Variants in RPP21 observed in about 807,000 individuals in gnomAD.
RPP21 encodes the protein ribonuclease P subunit p21, also known as ribonuclease P protein subunit p21.
Under a neutral mutation model 19.0 loss-of-function variants are expected in RPP21, and 21 were observed. That is an observed-to-expected ratio of 1.11 (90% CI 0.78 to 1.59). The LOEUF (loss-of-function observed/expected upper bound fraction) is 1.59, where lower values mean the gene tolerates loss of function less well. RPP21 is among the 40% of genes most tolerant of loss of function. The probability of loss-of-function intolerance (pLI) is 0.00; values close to 1 mark genes in which losing one functional copy is unlikely to be tolerated. For missense variants in RPP21, 215 were observed against 200.2 expected, an observed-to-expected ratio of 1.07 and a Z score of -0.45; for synonymous variants, 93 against 78.7, an observed-to-expected ratio of 1.18 and a Z score of -0.96.
At position 30,345,193 on chromosome 6, in the gene RPP21, C is replaced by A. The variant is rs369886060; in HGVS notation, c.22C>A (p.Arg8Ser). 3 of 1,574,508 alleles carry A rather than the reference C, an allele frequency of 1.9e-6. No homozygotes were observed. The highest frequency in any genetic ancestry group is 2.6e-6 in the Non-Finnish European group (3 of 1,160,604). Residue 8 changes from arginine to serine, a missense_variant, in exon 1 of 5, where the codon CGC (arginine) becomes AGC (serine). Physicochemically the swap from Arg to Ser is moderately radical, Grantham distance 110. Coordinates refer to ENST00000442966, the MANE Select transcript of RPP21 (RefSeq NM_024839.4). Reference sequence around the variant, plus strand: ...GGTGATGGCGGGGCCGGTGAAGGACCGCGAGGCCTTCCAGAGGCTCAACTT... The same window carrying A: ...GGTGATGGCGGGGCCGGTGAAGGACAGCGAGGCCTTCCAGAGGCTCAACTT... Reference protein sequence around the residue: MAGPVKDREAFQRLNFLY... With the variant: MAGPVKDSEAFQRLNFLY...
Position 30,345,589 on chromosome 6 carries a change from G to A in RPP21, c.241+16G>A. 1 of 1,538,452 alleles carries A rather than the reference G, an allele frequency of 6.5e-7. No individual in the cohort carries two copies. Among genetic ancestry groups the A allele is most frequent in the Non-Finnish European group, 8.8e-7 (1 of 1,140,530 alleles). Reference sequence around the variant, plus strand: ...CGCCAGAGACGTGAGTGCTCCAACGGAGGTGGAAGACTGCGGAGCATTGGG... The same window carrying A: ...CGCCAGAGACGTGAGTGCTCCAACGAAGGTGGAAGACTGCGGAGCATTGGG... On this transcript the variant is annotated intron_variant, in intron 3 of 4. Coordinates refer to ENST00000442966, the MANE Select transcript of RPP21 (RefSeq NM_024839.4).
Position 30,346,522 on chromosome 6 carries a change from G to C in RPP21, c.332G>C (p.Gly111Ala). Residue 111 changes from glycine to alanine, a missense_variant, in exon 4 of 5, where the codon GGA becomes GCA. Gly to Ala is a moderately conservative substitution (Grantham distance 60). Transcript: ENST00000442966. This position sits in a 1 kb window ranked among gnomAD's most constrained non-coding sequence, Gnocchi z 4.7. ...AATGATCCCGGGCATTTACTCTGGG[G>C]AGACAGGCCTGAGGCCCAGCTCGGG... ...FLNDPGHLLW[G>A]DRPEAQLGSQ... The C allele has an allele frequency of 6.2e-7, 1 of 1,614,158 alleles. No homozygotes were observed. Among genetic ancestry groups the C allele is most frequent in the Non-Finnish European group, 8.5e-7 (1 of 1,180,024 alleles).
intron 3 of RPP21, 58 bp downstream of exon 3, chr6:30,345,631 G>A (rs1788074786): frequency 5.0e-6 from 7 of 1,399,448 alleles, no homozygotes; most frequent in Admixed American, 2.5e-5. Context: ...GAGGGGGGCG[G>A]GGTGGGGGGC....
In RPP21 at chr6:30,345,497, C is replaced by T. The variant is rs773974333; in HGVS notation, c.165C>T (p.Pro55=). 4 of 1,606,858 alleles carry T rather than the reference C, an allele frequency of 2.5e-6. No individual in the cohort carries two copies. Among genetic ancestry groups the T allele is most frequent in the East Asian group, 2.2e-5 (1 of 44,664 alleles). ...TATCCTCCTCCGCCCCCAGGGATCC[C>T]TCGGTGAAGAGGACTCTCTGTCGAG... The part of the protein sequence containing the change: ...IAKRLVLRRD[P]SVKRTLCRGC... Residue 55 remains proline, a synonymous_variant, in exon 3 of 5, where the codon CCC becomes CCT. Coordinates refer to ENST00000442966, the MANE Select transcript of RPP21 (RefSeq NM_024839.4).
chr6:30,345,476 C>A lies in RPP21; in HGVS notation c.159-15C>A. The A allele has an allele frequency of 1.9e-6, 3 of 1,610,346 alleles. No individual in the cohort carries two copies. The stretch of plus-strand genomic sequence containing the variant: ...GGAGCGCGGGCGCCAGACCACTATC[C>A]TCCTCCGCCCCCAGGGATCCCTCGG... On this transcript the variant is annotated splice_polypyrimidine_tract_variant and intron_variant, in intron 2 of 4. Coordinates refer to ENST00000442966, the MANE Select transcript of RPP21 (RefSeq NM_024839.4).
Position 30,346,723 on chromosome 6 carries a change from A to AC in RPP21, c.379dup (p.Leu127ProfsTer17). The AC allele has an allele frequency of 6.2e-7, 1 of 1,613,536 alleles. No individual in the cohort carries two copies. Among genetic ancestry groups the AC allele is most frequent in the Non-Finnish European group, 8.5e-7 (1 of 1,180,018 alleles). On this transcript the variant is annotated frameshift_variant, in exon 5 of 5. Transcript: ENST00000442966. LOFTEE classifies it low-confidence loss of function (END_TRUNC). The surrounding 1 kb of genome is among the most constrained non-coding windows in gnomAD (Gnocchi z 4.7). ...TGCTCATTTACTCAGATTCCAAACC[A>AC]CTACAACCCTTGCCAAACACAGCCC...
At position 30,345,198 on chromosome 6, in the gene RPP21, G is replaced by C; in HGVS notation, c.27G>C (p.Glu9Asp). 1 of 1,581,658 alleles carries C rather than the reference G, an allele frequency of 6.3e-7. No homozygotes were observed. Among genetic ancestry groups the C allele is most frequent in the Non-Finnish European group, 8.6e-7 (1 of 1,164,016 alleles). The change falls in exon 1 of 5, where the codon GAG becomes GAC. Residue 9 changes from glutamate to aspartate, a missense_variant. Transcript: ENST00000442966. Reference sequence around the variant, plus strand: ...TGGCGGGGCCGGTGAAGGACCGCGAGGCCTTCCAGAGGCTCAACTTCCTGT... The same window carrying C: ...TGGCGGGGCCGGTGAAGGACCGCGACGCCTTCCAGAGGCTCAACTTCCTGT... MAGPVKDREAFQRLNFLYQ... is the reference protein window; with the variant it reads MAGPVKDRDAFQRLNFLYQ...
intron 2 of RPP21, 44 bp from the exon 3 acceptor site, chr6:30,345,447 A>AGAGG: frequency 6.2e-7 from 1 of 1,611,246 alleles, no homozygotes; most frequent in South Asian, 1.1e-5. Context: ...GAGGAACGCG[A>AGAGG]GAGGGAGCGC....
rs1229249210 is a variant in RPP21 at position 30,346,070 on chromosome 6, C to T, written c.242-362C>T. Reference sequence around the variant, plus strand: ...CAGTGGTGGCGAAGTTTATGATAAGCAAAGGGAGTGAGAGATGGAAATTCT... The same window carrying T: ...CAGTGGTGGCGAAGTTTATGATAAGTAAAGGGAGTGAGAGATGGAAATTCT... On this transcript the variant is annotated intron_variant, in intron 3 of 4. Coordinates refer to ENST00000442966, the MANE Select transcript of RPP21 (RefSeq NM_024839.4). This position sits in a 1 kb window ranked among gnomAD's most constrained non-coding sequence, Gnocchi z 4.7. 1 of 252,404 alleles carries T rather than the reference C, an allele frequency of 4.0e-6. No homozygotes were observed. The highest frequency in any genetic ancestry group is 2.3e-5 in the African/African-American group (1 of 44,332). 15.6% of individuals were successfully genotyped at this position (252,404 alleles called of 1,614,324 possible).
At chr6:30,345,603 C>T (rs1788064810) in intron 3 of RPP21, 30 bp downstream of exon 3, 1 of 626,014 alleles carries the variant, frequency 1.6e-6, no homozygotes, top group Non-Finnish European at 2.4e-6. Context: ...TGGAAGACTG[C>T]GGAGCATTGG....
chr6:30,345,362 C>A lies in RPP21; in HGVS notation c.122C>A (p.Thr41Asn), dbSNP rs751982038. The change falls in exon 2 of 5, where the codon ACT (threonine) becomes AAT (asparagine). Residue 41 changes from threonine to asparagine, a missense_variant. By Grantham distance (65) the Thr-to-Asn change is moderately conservative (BLOSUM62 0). Coordinates refer to ENST00000442966, the MANE Select transcript of RPP21 (RefSeq NM_024839.4). ...NQALARFYCYTERTIAKRLVL... is the reference protein window; with the variant it reads ...NQALARFYCYNERTIAKRLVL... ...GCGCTGGCGAGGTTTTACTGCTACA[C>A]TGAGAGGACCATTGCGAAGCGGCTC... is the stretch of plus-strand genomic sequence containing the variant. 6.2e-7 allele frequency: 1 copy of A among 1,613,160 alleles called. No individual in the cohort carries two copies. Among genetic ancestry groups the A allele is most frequent in the African/African-American group, 1.3e-5 (1 of 74,904 alleles).
chr6:30,345,778 T>G (rs1582071708), intron 3 of RPP21: 3 of 579,308 alleles, frequency 5.2e-6, no homozygotes, highest in Non-Finnish European at 8.4e-6. Flanking sequence ...TCGGCTGTTT[T>G]TTTTTTTTTT....
In RPP21 at chr6:30,345,555, T is replaced by A. The variant is rs890849504; in HGVS notation, c.223T>A (p.Cys75Ser). Residue 75 changes from cysteine (C) to serine (S), a missense_variant, in exon 3 of 5, where the codon TGC becomes AGC. Transcript: ENST00000442966. ...CSSLLVPGLT[C>S]TQRQRRCRGQ... ...TTCCCTCCTCGTCCCGGGCCTCACC[T>A]GCACCCAGCGCCAGAGACGTGAGTG... 1.4e-6 allele frequency: 2 copies of A among 1,476,914 alleles called. No individual in the cohort carries two copies. Among genetic ancestry groups the A allele is most frequent in the Non-Finnish European group, 1.8e-6 (2 of 1,099,956 alleles). 91.5% of individuals were successfully genotyped at this position (1,476,914 alleles called of 1,614,324 possible). A position where few individuals can be genotyped will look rare whatever the true frequency, so the allele number is the denominator to read the frequency against.
Position 30,346,621 on chromosome 6 carries a change from G to T in RPP21, c.367+64G>T. On this transcript the variant is annotated intron_variant, in intron 4 of 4. Coordinates refer to ENST00000442966, the MANE Select transcript of RPP21 (RefSeq NM_024839.4). The surrounding 1 kb of genome is among the most constrained non-coding windows in gnomAD (Gnocchi z 4.7). ...ATAGGGACAATGGAGAACGTAGAGT[G>T]AAGAGGACACATGGACAGGTTCTGG... is the stretch of plus-strand genomic sequence containing the variant. 6.2e-7 allele frequency: 1 copy of T among 1,613,932 alleles called. No individual in the cohort carries two copies. Among genetic ancestry groups the T allele is most frequent in the Non-Finnish European group, 8.5e-7 (1 of 1,179,830 alleles).
chr6:30,345,311 T>A lies in RPP21; in HGVS notation c.71T>A (p.Val24Asp). 1.2e-6 allele frequency: 2 copies of A among 1,613,602 alleles called. No individual in the cohort carries two copies. Among genetic ancestry groups the A allele is most frequent in the Non-Finnish European group, 1.7e-6 (2 of 1,179,894 alleles). ...LNFLYQAAHC[V>D]LAQDPENQAL... ...CCCCTCCCGCAGGCCGCCCATTGTG[T>A]CCTTGCCCAGGACCCCGAGAACCAG... The change falls in exon 2 of 5, where the codon GTC (valine) becomes GAC (aspartate). Residue 24 changes from valine (V) to aspartate (D), a missense_variant. Physicochemically the swap from Val to Asp is radical, Grantham distance 152. Coordinates refer to ENST00000442966, the MANE Select transcript of RPP21 (RefSeq NM_024839.4).
In RPP21 at chr6:30,345,567, C is replaced by G. The variant is rs1021829204; in HGVS notation, c.235C>G (p.Gln79Glu). 1 of 1,562,076 alleles carries G rather than the reference C, an allele frequency of 6.4e-7. No homozygotes were observed. Among genetic ancestry groups the G allele is most frequent in the Admixed American group, 1.8e-5 (1 of 54,180 alleles). The change falls in exon 3 of 5, where the codon CAG becomes GAG. Residue 79 changes from glutamine to glutamate, a missense_variant. Transcript: ENST00000442966. ...CCCGGGCCTCACCTGCACCCAGCGCCAGAGACGTGAGTGCTCCAACGGAGG... is the reference window on the plus strand; with the variant it reads ...CCCGGGCCTCACCTGCACCCAGCGCGAGAGACGTGAGTGCTCCAACGGAGG... ...LVPGLTCTQR[Q>E]RRCRGQRWTV...
chr6:30,345,536 C>A lies in RPP21; in HGVS notation c.204C>A (p.Leu68=). ...KRTLCRGCSS[L]LVPGLTCTQR... ...CTCTCTGTCGAGGCTGCTCTTCCCT[C>A]CTCGTCCCGGGCCTCACCTGCACCC... Residue 68 remains leucine (L), a synonymous_variant, in exon 3 of 5, where the codon CTC becomes CTA. Coordinates refer to ENST00000442966, the MANE Select transcript of RPP21 (RefSeq NM_024839.4). 1 of 1,589,364 alleles carries A rather than the reference C, an allele frequency of 6.3e-7. No individual in the cohort carries two copies.
rs1582067038 is a variant in RPP21, at chr6:30,345,211, C to G, written c.40C>G (p.Leu14Val). 6.3e-7 allele frequency: 1 copy of G among 1,596,432 alleles called. No individual in the cohort carries two copies. Among genetic ancestry groups the G allele is most frequent in the Non-Finnish European group, 8.5e-7 (1 of 1,171,552 alleles). Reference sequence around the variant, plus strand: ...GAAGGACCGCGAGGCCTTCCAGAGGCTCAACTTCCTGTACCAGGTGAGTCT... The same window carrying G: ...GAAGGACCGCGAGGCCTTCCAGAGGGTCAACTTCCTGTACCAGGTGAGTCT... ...PVKDREAFQR[L>V]NFLYQAAHCV... The change falls in exon 1 of 5, where the codon CTC (leucine) becomes GTC (valine). Residue 14 changes from leucine to valine, a missense_variant. Coordinates refer to ENST00000442966, the MANE Select transcript of RPP21 (RefSeq NM_024839.4).
chr6:30,346,366 G>A lies in RPP21; in HGVS notation c.242-66G>A. On this transcript the variant is annotated intron_variant, in intron 3 of 4. Transcript: ENST00000442966. The surrounding 1 kb of genome is among the most constrained non-coding windows in gnomAD (Gnocchi z 4.7). Reference sequence around the variant, plus strand: ...GGATACCTACTGAAAAACACTGGAGGCAAAACTGGCAGCAAGAGACCGTTA... The same window carrying A: ...GGATACCTACTGAAAAACACTGGAGACAAAACTGGCAGCAAGAGACCGTTA... The A allele has an allele frequency of 6.3e-7, 1 of 1,578,612 alleles. No homozygotes were observed. The highest frequency in any genetic ancestry group is 8.6e-7 in the Non-Finnish European group (1 of 1,156,630).
Sources: allele counts gnomAD v4.1 joint callset, GRCh38; gene constraint gnomAD v4.1.1; non-coding constraint Gnocchi (gnomAD v3.1); transcripts MANE v1.5; gene names NCBI Gene and HGNC (gene_info 2026-07-23, HGNC 2026-07-21).